Variants in RELL1 observed in about 807,000 individuals in gnomAD.
RELL1 encodes RELT like 1.
RELL1 carries 10 observed loss-of-function variants against 23.0 expected under a neutral mutation model. That is an observed-to-expected ratio of 0.43 (90% confidence interval 0.27 to 0.74). The LOEUF is 0.74. Among genes scored for constraint, RELL1 ranks in the 30% least tolerant of loss-of-function variants. The probability of loss-of-function intolerance (pLI) is 0.19; values close to 1 mark genes in which losing one functional copy is unlikely to be tolerated. For synonymous variants in RELL1, 146 were observed against 146.8 expected, an observed-to-expected ratio of 0.99 and a Z score of 0.04; for missense variants, 315 against 364.4, an observed-to-expected ratio of 0.86 and a Z score of 1.10.
At chr4:37,680,997 G>C (rs774948789) in intron 1 of RELL1, among the ~76,000 whole-genome samples, 2 of 151,220 alleles carry the variant, frequency 1.3e-5, no homozygotes, top group Non-Finnish European at 2.9e-5. Flanking sequence ...ACAATGGCTA[G>C]TGCCTTGGAG....
chr4:37,589,843 G>T (rs1299450894), downstream of RELL1, among the ~76,000 whole-genome samples: 2 of 152,184 alleles, frequency 1.3e-5, no homozygotes, highest in Non-Finnish European at 2.9e-5. Context: ...TGTCGGTCAG[G>T]CTGGTCTCGA....
chr4:37,633,354 A>T (rs998521032), intron 5 of RELL1, among the ~76,000 whole-genome samples: 1 of 132,814 alleles, frequency 7.5e-6, no homozygotes, highest in African/African-American at 2.9e-5. Flanking sequence ...GGCTGCAGTG[A>T]GCCGAGTTCA....
intron 1 of RELL1, among the ~76,000 whole-genome samples, chr4:37,677,843 G>A (rs1722068676): frequency 6.6e-6 from 1 of 152,044 alleles, no homozygotes; most frequent in Admixed American, 6.6e-5. Flanking sequence ...ATGGTGGCAG[G>A]TGCCTGTAAT....
intron 6 of RELL1, among the ~76,000 whole-genome samples, chr4:37,621,970 GT>G (rs1416925832): frequency 7.2e-5 from 11 of 152,212 alleles, no homozygotes; most frequent in Non-Finnish European, 1.2e-4. Context: ...AGTAAAGCAT[GT>G]TTTTAGGTCC....
intron 1 of RELL1, among the ~76,000 whole-genome samples, chr4:37,659,510 G>T (rs1311377261): frequency 6.6e-6 from 1 of 152,160 alleles, no homozygotes; most frequent in African/African-American, 2.4e-5. Flanking sequence ...CTTGAGGGTT[G>T]CTAACATTTT....
chr4:37,677,270 T>C (rs1299842423), intron 1 of RELL1, among the ~76,000 whole-genome samples: 1 of 152,200 alleles, frequency 6.6e-6, no homozygotes, highest in Non-Finnish European at 1.5e-5. Flanking sequence ...ATAGACAGTC[T>C]AACAGAATGG....
At chr4:37,588,092 T>C (rs1337169232), downstream of RELL1, 1 of 152,240 alleles carries the variant, frequency 6.6e-6, no homozygotes, top group Non-Finnish European at 1.5e-5. Flanking sequence ...GTCAGTTTTA[T>C]ATGAAGAGAA....
At chr4:37,604,125 G>T (rs1719087473) in intron 6 of RELL1, among the ~76,000 whole-genome samples, 1 of 152,040 alleles carries the variant, frequency 6.6e-6, no homozygotes, top group African/African-American at 2.4e-5. Flanking sequence ...TGAACCAATT[G>T]TTCAGGGCCA....
downstream of RELL1, among the ~76,000 whole-genome samples, chr4:37,607,203 C>A (rs758621184): frequency 3.3e-5 from 5 of 152,320 alleles, no homozygotes; most frequent in Admixed American, 6.5e-5. Context: ...AGTGGGTGAT[C>A]CTGGAACAGC....
chr4:37,607,473 G>A (rs1308742576), downstream of RELL1, among the ~76,000 whole-genome samples: 1 of 152,138 alleles, frequency 6.6e-6, no homozygotes, highest in Non-Finnish European at 1.5e-5. Flanking sequence ...GTGCTTTGCA[G>A]ATATTGTAGG....
chr4:37,673,867 C>A (rs894640129), intron 1 of RELL1, among the ~76,000 whole-genome samples: 1 of 152,212 alleles, frequency 6.6e-6, no homozygotes, highest in African/African-American at 2.4e-5. Flanking sequence ...GTCGCCTAAC[C>A]TCAGTCTCCC....
At chr4:37,597,587 C>T (rs970098795) in intron 6 of RELL1, among the ~76,000 whole-genome samples, 1 of 152,206 alleles carries the variant, frequency 6.6e-6, no homozygotes, top group Non-Finnish European at 1.5e-5. Context: ...ATAGCCTCTA[C>T]TCATCAGCCG....
chr4:37,663,216 T>C (rs1322178156), intron 1 of RELL1, among the ~76,000 whole-genome samples: 1 of 152,162 alleles, frequency 6.6e-6, no homozygotes, highest in Non-Finnish European at 1.5e-5. Flanking sequence ...CTCCTCCTTT[T>C]GCTATTTTTG....
chr4:37,673,820 C>T (rs1393598336), intron 1 of RELL1, among the ~76,000 whole-genome samples: 1 of 152,200 alleles, frequency 6.6e-6, no homozygotes, highest in Non-Finnish European at 1.5e-5. Flanking sequence ...CCCCTATCCT[C>T]CGCAACTACA....
At chr4:37,659,402 T>C (rs1721238760) in intron 1 of RELL1, among the ~76,000 whole-genome samples, 1 of 152,222 alleles carries the variant, frequency 6.6e-6, no homozygotes, top group African/African-American at 2.4e-5. Context: ...TTCTAGCTTG[T>C]TTCCAAGTAA....
intron 1 of RELL1, among the ~76,000 whole-genome samples, chr4:37,667,530 G>T (rs991651193): frequency 6.8e-6 from 1 of 147,766 alleles, no homozygotes; most frequent in East Asian, 2.0e-4. Flanking sequence ...AAAAGTCCAT[G>T]GAATGGGATT....
At chr4:37,614,989 G>A (rs527518751) in intron 6 of RELL1, among the ~76,000 whole-genome samples, 1 of 152,194 alleles carries the variant, frequency 6.6e-6, no homozygotes, top group Non-Finnish European at 1.5e-5. Context: ...AAAAAGGAGG[G>A]GCCTGGATTC....
intron 1 of RELL1, among the ~76,000 whole-genome samples, chr4:37,664,117 C>G (rs6531566): frequency 0.13 from 19,436 of 152,140 alleles, 2,426 homozygotes; most frequent in African/African-American, 0.32. Flanking sequence ...GTGGCTCATG[C>G]CTGTAATCCC....
downstream of RELL1, chr4:37,588,621 C>T (rs1244052857): frequency 4.0e-6 from 2 of 499,124 alleles, no homozygotes; most frequent in Non-Finnish European, 7.2e-6. Context: ...AAAGGTCTGA[C>T]ACAGAGGCAA....
Sources: gnomAD v4.1 joint callset for allele counts (sites outside exome capture counted in the v4.1 genomes callset) on GRCh38, gnomAD v4.1.1 for gene constraint, MANE v1.5 for transcripts, NCBI Gene and HGNC (gene_info 2026-07-23, HGNC 2026-07-21) for gene names.